Variants in MLLT3 observed in about 807,000 individuals in gnomAD.
MLLT3 encodes MLLT3 super elongation complex subunit.
In MLLT3, 4 loss-of-function variants were observed where a neutral mutation model predicts 53.2. The observed-to-expected ratio is 0.08, with a 90% confidence interval of 0.04 to 0.17. The LOEUF is 0.17. Ranked by LOEUF, MLLT3 falls within the 10% of genes least tolerant of loss-of-function variation. The pLI, the probability that MLLT3 is intolerant of heterozygous loss-of-function variation, is 1.00. For synonymous variants in MLLT3, 283 were observed against 230.6 expected, an observed-to-expected ratio of 1.23 and a Z score of -2.06; for missense variants, 569 against 684.0, an observed-to-expected ratio of 0.83 and a Z score of 1.87.
intron 5 of MLLT3, among the ~76,000 whole-genome samples, chr9:20,394,117 T>A (rs1347053151): frequency 6.6e-6 from 1 of 152,152 alleles, no homozygotes; most frequent in East Asian, 1.9e-4. Context: ...TTTTCACCTG[T>A]ACAACACAGC....
chr9:20,366,923 T>C (rs752636569), intron 5 of MLLT3, among the ~76,000 whole-genome samples: 1 of 152,224 alleles, frequency 6.6e-6, no homozygotes, highest in African/African-American at 2.4e-5. Flanking sequence ...GGTTAAAACA[T>C]AGTGGTAATG....
intron 4 of MLLT3, among the ~76,000 whole-genome samples, chr9:20,423,142 T>G (rs79725846): frequency 6.6e-6 from 1 of 152,140 alleles, no homozygotes; most frequent in African/African-American, 2.4e-5. Context: ...GTGATCCTCC[T>G]TCCTCACCCC....
At chr9:20,486,064 C>T (rs1350124459) in intron 2 of MLLT3, among the ~76,000 whole-genome samples, 4 of 152,148 alleles carry the variant, frequency 2.6e-5, no homozygotes, top group African/African-American at 9.7e-5. Context: ...TTCACTCACA[C>T]ACGTTATAGT....
At chr9:20,490,354 A>G (rs1824917055) in intron 2 of MLLT3, among the ~76,000 whole-genome samples, 1 of 152,242 alleles carries the variant, frequency 6.6e-6, no homozygotes, top group South Asian at 2.1e-4. Flanking sequence ...GAGATGGCGT[A>G]CAAGAGAGAA....
rs907709806 is a variant in MLLT3, at chr9:20,343,531, C to T, written c.*2912G>A. The T allele has an allele frequency of 1.7e-5, 4 of 229,004 alleles. No individual in the cohort carries two copies. Among genetic ancestry groups the T allele is most frequent in the Middle Eastern group, 1.3e-3 (1 of 784 alleles). 14.2% of individuals were successfully genotyped at this position (229,004 alleles called of 1,614,324 possible). A position where few individuals can be genotyped will look rare whatever the true frequency, so the allele number is the denominator to read the frequency against. On this transcript the variant is annotated 3_prime_UTR_variant, in exon 11 of 11. Transcript: ENST00000380338. ...ATCCGAAGACAGAAGGAACCCCAAA[C>T]CCACCAACACACATCCTGCTGCAAA...
intron 2 of MLLT3, among the ~76,000 whole-genome samples, chr9:20,457,469 G>C (rs1414824839): frequency 6.6e-6 from 1 of 151,698 alleles, no homozygotes; most frequent in Admixed American, 6.6e-5. Context: ...TGCTGGTCTT[G>C]AACTCCCGAC....
chr9:20,478,769 C>A (rs1456032599), intron 2 of MLLT3, among the ~76,000 whole-genome samples: 1 of 152,046 alleles, frequency 6.6e-6, no homozygotes, highest in Non-Finnish European at 1.5e-5. Flanking sequence ...CAAGGGAGTT[C>A]TACTTCATAG....
chr9:20,477,378 A>G (rs1824550314), intron 2 of MLLT3, among the ~76,000 whole-genome samples: 1 of 152,022 alleles, frequency 6.6e-6, no homozygotes, highest in Non-Finnish European at 1.5e-5. Flanking sequence ...AAACAACTGG[A>G]GTCTCTGTTT....
chr9:20,599,848 C>T (rs933089346), intron 2 of MLLT3, among the ~76,000 whole-genome samples: 8 of 152,194 alleles, frequency 5.3e-5, no homozygotes, highest in Non-Finnish European at 1.2e-4. Flanking sequence ...GTTAGTTAAT[C>T]TTCAGTCTTG....
In MLLT3 at chr9:20,621,467, C is replaced by A. The variant is rs1345827446; in HGVS notation, c.13-633G>T. Among the ~76,000 whole-genome samples the A allele has an allele frequency of 1.3e-5, 2 of 152,156 alleles. No homozygotes were observed. The highest frequency in any genetic ancestry group is 4.8e-5 in the African/African-American group (2 of 41,438). ...ACACTGAAACACACACACACGCCCG[C>A]AGGAAAACACGCCGAGGCATCCATA... On this transcript the variant is annotated intron_variant, in intron 1 of 10. Transcript: ENST00000380338. This position sits in a 1 kb window ranked among gnomAD's most constrained non-coding sequence, Gnocchi z 7.0.
At chr9:20,467,211 C>T (rs181166954) in intron 2 of MLLT3, among the ~76,000 whole-genome samples, 27 of 152,000 alleles carry the variant, frequency 1.8e-4, no homozygotes, top group Non-Finnish European at 3.4e-4. Context: ...GAACTCCTGG[C>T]GTCAAGTGAT....
At chr9:20,521,174 G>T (rs1294298399) in intron 2 of MLLT3, among the ~76,000 whole-genome samples, 2 of 151,972 alleles carry the variant, frequency 1.3e-5, no homozygotes, top group South Asian at 4.2e-4. Flanking sequence ...GAGTTCAAGC[G>T]ATTCTCCTGC....
chr9:20,499,322 A>G (rs1442439615), intron 2 of MLLT3, among the ~76,000 whole-genome samples: 1 of 152,160 alleles, frequency 6.6e-6, no homozygotes, highest in African/African-American at 2.4e-5. Context: ...ATTTGGGAGG[A>G]TATAACTCAG....
At chr9:20,359,837 T>C (rs867965765) in intron 8 of MLLT3, among the ~76,000 whole-genome samples, 7 of 152,346 alleles carry the variant, frequency 4.6e-5, no homozygotes, top group Middle Eastern at 3.4e-3. Context: ...GTAGAGGTCA[T>C]AGGAAATCTG....
chr9:20,480,000 G>A (rs769531250), intron 2 of MLLT3, among the ~76,000 whole-genome samples: 35 of 152,160 alleles, frequency 2.3e-4, no homozygotes, highest in Middle Eastern at 3.4e-3. Context: ...TTATGCTTCT[G>A]GTATTACTGC....
At chr9:20,388,707 G>T (rs1822105874) in intron 5 of MLLT3, among the ~76,000 whole-genome samples, 2 of 152,096 alleles carry the variant, frequency 1.3e-5, no homozygotes, top group South Asian at 4.1e-4. Context: ...TCCAAAAGAT[G>T]GGATCCTTCA....
chr9:20,462,023 C>G (rs1374484352), intron 2 of MLLT3, among the ~76,000 whole-genome samples: 1 of 152,180 alleles, frequency 6.6e-6, no homozygotes, highest in Non-Finnish European at 1.5e-5. Flanking sequence ...ATGGGGCAAA[C>G]AAGATCCTGT....
intron 5 of MLLT3, among the ~76,000 whole-genome samples, chr9:20,399,702 G>C (rs555883177): frequency 6.6e-6 from 1 of 152,202 alleles, no homozygotes; most frequent in East Asian, 1.9e-4. Context: ...AAAGTATAGG[G>C]GAGAAGAAAG....
At chr9:20,502,917 C>G (rs949409174) in intron 2 of MLLT3, among the ~76,000 whole-genome samples, 1 of 152,128 alleles carries the variant, frequency 6.6e-6, no homozygotes, top group East Asian at 1.9e-4. Context: ...AATGAGCTAT[C>G]TGAAAGATAA....
Sources: allele counts gnomAD v4.1 joint callset (sites outside exome capture counted in the v4.1 genomes callset), GRCh38; gene constraint gnomAD v4.1.1; non-coding constraint Gnocchi (gnomAD v3.1); transcripts MANE v1.5; gene names NCBI Gene and HGNC (gene_info 2026-07-23, HGNC 2026-07-21).